The following SLC24A2 variants were observed in gnomAD, a reference collection of about 807,000 sequenced individuals.
SLC24A2 encodes solute carrier family 24 member 2.
SLC24A2 carries 36 observed loss-of-function variants against 62.0 expected under a neutral mutation model. The ratio of observed to expected loss-of-function variants is 0.58; its 90% confidence interval spans 0.44 to 0.77. The LOEUF (loss-of-function observed/expected upper bound fraction) is 0.77. Among genes scored for constraint, SLC24A2 ranks in the 30% least tolerant of loss-of-function variants. The pLI, the probability that SLC24A2 is intolerant of heterozygous loss-of-function variation, is 0.00. For missense variants in SLC24A2, 846 were observed against 817.9 expected, an observed-to-expected ratio of 1.03 and a Z score of -0.42; for synonymous variants, 358 against 294.0, an observed-to-expected ratio of 1.22 and a Z score of -2.23.
intron 2 of SLC24A2, among the ~76,000 whole-genome samples, chr9:19,694,303 G>C (rs77741227): frequency 6.6e-6 from 1 of 152,202 alleles, no homozygotes; most frequent in Non-Finnish European, 1.5e-5. Flanking sequence ...TTTATACAAG[G>C]AAAGTCCTAA....
At chr9:19,933,762 TC>T in the SLC24A2 span, among the ~76,000 whole-genome samples, 1 of 152,226 alleles carries the variant, frequency 6.6e-6, no homozygotes, top group African/African-American at 2.4e-5. Context: ...ATGTGGTATA[TC>T]CATACAATGC....
the SLC24A2 span, among the ~76,000 whole-genome samples, chr9:20,282,378 G>A: frequency 0.14 from 20,772 of 152,066 alleles, 1,627 homozygotes; most frequent in East Asian, 0.21. Flanking sequence ...AATTTGAAAG[G>A]GAGACAAAAT....
the SLC24A2 span, among the ~76,000 whole-genome samples, chr9:19,859,472 G>A: frequency 1.2e-4 from 18 of 151,892 alleles, no homozygotes; most frequent in East Asian, 1.9e-4. Flanking sequence ...TGCAACAAAC[G>A]TGCACGTGTA....
the SLC24A2 span, among the ~76,000 whole-genome samples, chr9:19,933,730 A>G: frequency 6.6e-6 from 1 of 152,250 alleles, no homozygotes; most frequent in Admixed American, 6.5e-5. Context: ...AATGTTCATC[A>G]ACTGATGAAT....
rs1836784500 is a variant in SLC24A2, at chr9:19,599,292, C to T, written c.1079-2013G>A. The stretch of plus-strand genomic sequence containing the variant: ...CTCGACAACGTGGCAATGTCTAGAT[C>T]GCTTCTTAGCTGCTTCCTTGGATAT... On this transcript the variant is annotated intron_variant, in intron 4 of 10. Transcript: ENST00000341998. The surrounding 1 kb of genome is among the most constrained non-coding windows in gnomAD (Gnocchi z 4.5). 2.6e-5 allele frequency among the ~76,000 whole-genome samples: 4 copies of T among 152,156 alleles called. No individual in the cohort carries two copies. Among genetic ancestry groups the T allele is most frequent in the African/African-American group, 9.6e-5 (4 of 41,452 alleles).
intron 5 of SLC24A2, among the ~76,000 whole-genome samples, chr9:19,586,612 T>C (rs914120478): frequency 6.6e-6 from 1 of 151,962 alleles, no homozygotes; most frequent in African/African-American, 2.4e-5. Flanking sequence ...AAAAAGATAA[T>C]CTAATTGAGT....
At chr9:19,639,026 AT>A (rs1818426571) in intron 2 of SLC24A2, among the ~76,000 whole-genome samples, 1 of 152,210 alleles carries the variant, frequency 6.6e-6, no homozygotes, top group Admixed American at 6.5e-5. Context: ...CAAGTCAATC[AT>A]TATCATCCCA....
At chr9:20,209,100 G>A in the SLC24A2 span, among the ~76,000 whole-genome samples, 1 of 152,168 alleles carries the variant, frequency 6.6e-6, no homozygotes, top group East Asian at 1.9e-4. Context: ...TAAATGTGAT[G>A]ATGTAACTCA....
intron 9 of SLC24A2, among the ~76,000 whole-genome samples, chr9:19,523,762 C>T (rs1333850477): frequency 1.3e-5 from 2 of 152,016 alleles, no homozygotes; most frequent in African/African-American, 4.8e-5. Flanking sequence ...GGCACCCAGC[C>T]AAAAAACCAG....
rs559078524 is a variant in SLC24A2 at position 19,575,661 on chromosome 9, T to C, written c.1228+1263A>G. 3.3e-5 allele frequency among the ~76,000 whole-genome samples: 5 copies of C among 152,358 alleles called. No individual in the cohort carries two copies. In the South Asian group the frequency reaches 1.0e-3, roughly 32 times the overall value. The stretch of plus-strand genomic sequence containing the variant: ...GAGAGCCCCAATAACATTAGAAGAA[T>C]CCTTGGCATTAAGTGTCCTACCTCC... On this transcript the variant is annotated intron_variant, in intron 6 of 10. Transcript: ENST00000341998.
At chr9:20,120,737 T>G in the SLC24A2 span, among the ~76,000 whole-genome samples, 1 of 152,144 alleles carries the variant, frequency 6.6e-6, no homozygotes, top group Non-Finnish European at 1.5e-5. Context: ...AAGCAGCAGC[T>G]TTGCCTAATC....
chr9:20,297,776 C>A, the SLC24A2 span, among the ~76,000 whole-genome samples: 1 of 152,232 alleles, frequency 6.6e-6, no homozygotes, highest in African/African-American at 2.4e-5. Flanking sequence ...CCAACCAAAC[C>A]TTTTTAGGTT....
the SLC24A2 span, among the ~76,000 whole-genome samples, chr9:20,023,347 G>C: frequency 1.3e-5 from 2 of 152,166 alleles, no homozygotes; most frequent in African/African-American, 4.8e-5. Context: ...TATTTCCATG[G>C]AAACACAAAG....
chr9:20,196,933 G>T, the SLC24A2 span, among the ~76,000 whole-genome samples: 1 of 152,118 alleles, frequency 6.6e-6, no homozygotes, highest in Non-Finnish European at 1.5e-5. Flanking sequence ...CTTATATTCT[G>T]ATATTTTCTA....
At chr9:19,820,034 T>TATAC in the SLC24A2 span, among the ~76,000 whole-genome samples, 2 of 34,456 alleles carry the variant, frequency 5.8e-5, no homozygotes, top group African/African-American at 1.1e-4. Context: ...TACACATATA[T>TATAC]ATATATACAT....
the SLC24A2 span, among the ~76,000 whole-genome samples, chr9:20,053,457 T>A: frequency 6.6e-6 from 1 of 152,230 alleles, no homozygotes; most frequent in Non-Finnish European, 1.5e-5. Flanking sequence ...TGTTTTACTT[T>A]ATTTCCTTGC....
chr9:20,166,367 A>G, the SLC24A2 span, among the ~76,000 whole-genome samples: 7 of 151,992 alleles, frequency 4.6e-5, no homozygotes, highest in South Asian at 8.3e-4. Flanking sequence ...TAAGTGTCCA[A>G]AAATAGGAGG....
At chr9:20,226,843 C>A in the SLC24A2 span, among the ~76,000 whole-genome samples, 41 of 152,312 alleles carry the variant, frequency 2.7e-4, 1 homozygote, top group Admixed American at 5.9e-4. Flanking sequence ...ACGGGGAAAC[C>A]TGACTGTTTG....
At chr9:20,129,490 AGCACTAT>A in the SLC24A2 span, among the ~76,000 whole-genome samples, 2 of 152,154 alleles carry the variant, frequency 1.3e-5, no homozygotes, top group Non-Finnish European at 2.9e-5. Context: ...ATATTCACAT[AGCACTAT>A]TTACAATAGC....
Sources: allele counts gnomAD v4.1 joint callset (sites outside exome capture counted in the v4.1 genomes callset), GRCh38; gene constraint gnomAD v4.1.1; non-coding constraint Gnocchi (gnomAD v3.1); transcripts MANE v1.5; gene names NCBI Gene and HGNC (gene_info 2026-07-23, HGNC 2026-07-21).